Variants in MSANTD1 observed in about 807,000 individuals in gnomAD.
MSANTD1 encodes the protein Myb/SANT DNA binding domain containing 1.
A neutral mutation model predicts 24.2 loss-of-function variants in MSANTD1; 7 were observed. The observed-to-expected ratio is 0.29, with a 90% CI of 0.16 to 0.54. The LOEUF is 0.54. Among genes scored for constraint, MSANTD1 ranks in the 20% least tolerant of loss-of-function variants. MSANTD1 has a pLI of 0.94. For missense variants in MSANTD1, 384 were observed against 408.2 expected (o/e 0.94, Z 0.51); for synonymous variants, 177 against 181.1 (o/e 0.98, Z 0.18).
chr4:3,249,003 G>A (rs959592957), upstream of MSANTD1: 22 of 413,642 alleles, frequency 5.3e-5, no homozygotes, highest in African/African-American at 1.7e-4. Flanking sequence ...CCCGCTCGCC[G>A]CAATATTGAT....
chr4:3,249,125 C>A (rs758546665), upstream of MSANTD1: 1 of 1,127,588 alleles, frequency 8.9e-7, no homozygotes, highest in South Asian at 2.5e-5. Context: ...TGACGTTTCC[C>A]GTTTAAAAGC....
In MSANTD1 at chr4:3,253,400, C is replaced by G. The variant is rs1438793480; in HGVS notation, c.514C>G (p.Pro172Ala). 4 of 1,604,956 alleles carry G rather than the reference C, an allele frequency of 2.5e-6. No individual in the cohort carries two copies. Among genetic ancestry groups the G allele is most frequent in the Non-Finnish European group, 3.4e-6 (4 of 1,175,350 alleles). The change falls in exon 2 of 3, where the codon CCG (proline) becomes GCG (alanine). Residue 172 changes from proline to alanine, a missense_variant. Physicochemically the swap from Pro to Ala is conservative, Grantham distance 27. Transcript: ENST00000438480. ...PPAKSTPLYFPYNQCSYEGRF... is the reference protein window; with the variant it reads ...PPAKSTPLYFAYNQCSYEGRF... ...CGCTAAGTCCACCCCTCTGTACTTC[C>G]CGTATAACCAGTGCTCCTACGAAGG...
upstream of MSANTD1, chr4:3,246,561 C>G (rs529630715): frequency 4.8e-6 from 3 of 623,604 alleles, no homozygotes; most frequent in East Asian, 8.7e-5. Context: ...CAGCTCCTGC[C>G]GAGGCCTGAC....
At chr4:3,254,949 A>G (rs1241702583) in intron 2 of MSANTD1, among the ~76,000 whole-genome samples, 5 of 152,076 alleles carry the variant, frequency 3.3e-5, no homozygotes, top group African/African-American at 1.2e-4. Flanking sequence ...TGGCTTCCCT[A>G]CAGGGGTCCT....
At chr4:3,250,328 G>A (rs1293880760) in intron 1 of MSANTD1, among the ~76,000 whole-genome samples, 2 of 152,216 alleles carry the variant, frequency 1.3e-5, no homozygotes, top group Admixed American at 6.5e-5. Context: ...GGCCGGAGGG[G>A]ACCACCCAGC....
intron 2 of MSANTD1, among the ~76,000 whole-genome samples, chr4:3,255,051 C>A (rs920786708): frequency 6.6e-6 from 1 of 152,168 alleles, no homozygotes; most frequent in African/African-American, 2.4e-5. Flanking sequence ...TGGGGCTGAG[C>A]CCCCACCTGC....
chr4:3,250,144 CCAGGTGAGGTG>C (rs1340684114), intron 1 of MSANTD1, among the ~76,000 whole-genome samples: 2 of 152,106 alleles, frequency 1.3e-5, no homozygotes, highest in Non-Finnish European at 2.9e-5. Context: ...CCAGAAATCA[CCAGGTGAGGTG>C]CAGGACCAGC....
Position 3,255,766 on chromosome 4 carries a change from G to T in MSANTD1, c.638G>T (p.Cys213Phe). ...GTGAAGAAGCGCAAGGTGCAGAGCT[G>T]CCACCTGCAGAAGAAGCAGCTGCGG... is the stretch of plus-strand genomic sequence containing the variant. ...RPVKKRKVQS[C>F]HLQKKQLRLL... is the part of the protein sequence containing the mutation. The change falls in exon 3 of 3, where the codon TGC becomes TTC. Residue 213 changes from cysteine to phenylalanine, a missense_variant. Coordinates refer to ENST00000438480, the MANE Select transcript of MSANTD1 (RefSeq NM_001042690.2). 6.5e-7 allele frequency: 1 copy of T among 1,546,678 alleles called. No homozygotes were observed. The highest frequency in any genetic ancestry group is 8.7e-7 in the Non-Finnish European group (1 of 1,146,538).
In MSANTD1 at chr4:3,255,730, A is replaced by C. The variant is rs752155519; in HGVS notation, c.602A>C (p.Glu201Ala). The C allele has an allele frequency of 1.3e-6, 2 of 1,540,022 alleles. No homozygotes were observed. Among genetic ancestry groups the C allele is most frequent in the South Asian group, 2.4e-5 (2 of 83,246 alleles). Residue 201 changes from glutamate (E) to alanine (A), a missense_variant, in exon 3 of 3, where the codon GAG becomes GCG. Coordinates refer to ENST00000438480, the MANE Select transcript of MSANTD1 (RefSeq NM_001042690.2). ...SSLLSLKFRS[E>A]ERPVKKRKVQ... ...AGCCGGCACTGTCCTTCCAGGTCGG[A>C]GGAGCGGCCGGTGAAGAAGCGCAAG...
Position 3,253,435 on chromosome 4 carries a change from G to C in MSANTD1, c.549G>C (p.Glu183Asp). The change falls in exon 2 of 3, where the codon GAG becomes GAC. Residue 183 changes from glutamate (E) to aspartate (D), a missense_variant. By Grantham distance (45) the Glu-to-Asp change is conservative. Coordinates refer to ENST00000438480, the MANE Select transcript of MSANTD1 (RefSeq NM_001042690.2). ...AGTGCTCCTACGAAGGCCGCTTCGA[G>C]GATGATCGCTCCGACAGCTCCTCCA... ...YNQCSYEGRF[E>D]DDRSDSSSSL... 6.3e-7 allele frequency: 1 copy of C among 1,585,518 alleles called. No individual in the cohort carries two copies. The highest frequency in any genetic ancestry group is 1.2e-5 in the South Asian group (1 of 86,378).
intron 1 of MSANTD1, among the ~76,000 whole-genome samples, chr4:3,252,432 C>T (rs568528590): frequency 5.3e-5 from 8 of 152,350 alleles, no homozygotes; most frequent in South Asian, 2.1e-4. Context: ...GGGGCCCATC[C>T]GGCCCACCCC....
intron 1 of MSANTD1, among the ~76,000 whole-genome samples, chr4:3,249,828 G>T (rs1259760269): frequency 6.6e-6 from 1 of 152,208 alleles, no homozygotes; most frequent in African/African-American, 2.4e-5. Flanking sequence ...CTGGGCAGAG[G>T]CCAGGATGGC....
At chr4:3,255,493 G>T (rs1722357340) in intron 2 of MSANTD1, among the ~76,000 whole-genome samples, 1 of 152,198 alleles carries the variant, frequency 6.6e-6, no homozygotes, top group African/African-American at 2.4e-5. Flanking sequence ...CAAAGTGCTG[G>T]GATTACAGGC....
intron 2 of MSANTD1, 137 bp downstream of exon 2, chr4:3,253,619 G>A: frequency 1.1e-6 from 1 of 899,148 alleles, no homozygotes; most frequent in Non-Finnish European, 1.6e-6. Context: ...AGCGCCTCCA[G>A]GGACAGGCGG....
At chr4:3,245,757 A>G (rs1722006061), upstream of MSANTD1, among the ~76,000 whole-genome samples, 1 of 152,192 alleles carries the variant, frequency 6.6e-6, no homozygotes, top group Non-Finnish European at 1.5e-5. Flanking sequence ...AAGTGGCTTG[A>G]GCCACAGAGG....
At chr4:3,245,076 G>A (rs1435074145), upstream of MSANTD1, 1 of 152,362 alleles carries the variant, frequency 6.6e-6, no homozygotes, top group Non-Finnish European at 1.5e-5. Flanking sequence ...CAGAGAAATG[G>A]AGCACCCCCT....
upstream of MSANTD1, chr4:3,248,285 A>T (rs866897099): frequency 2.0e-5 from 3 of 152,404 alleles, no homozygotes; most frequent in South Asian, 6.2e-4. Flanking sequence ...TCAGCCCCAC[A>T]GGGGCCTGCC....
At chr4:3,247,826 TGGGCACCCCC>T (rs1183787051), upstream of MSANTD1, 8 of 151,936 alleles carry the variant, frequency 5.3e-5, no homozygotes, top group African/African-American at 1.9e-4. Flanking sequence ...ACAGTGGGGC[TGGGCACCCCC>T]GCCATGCCCC....
At chr4:3,246,804 C>T (rs1196297182), upstream of MSANTD1, 39 of 574,244 alleles carry the variant, frequency 6.8e-5, no homozygotes, top group Admixed American at 8.5e-4. Context: ...GGCTCTGCCT[C>T]GGGAAAGGCC....
Sources: allele counts gnomAD v4.1 joint callset (sites outside exome capture counted in the v4.1 genomes callset), GRCh38; gene constraint gnomAD v4.1.1; transcripts MANE v1.5; gene names NCBI Gene and HGNC (gene_info 2026-07-23, HGNC 2026-07-21).